Variants in RBFOX1 observed in about 807,000 individuals in gnomAD.
RBFOX1 encodes the protein RNA binding fox-1 homolog 1.
RBFOX1 carries 8 observed loss-of-function variants against 57.7 expected under a neutral mutation model. That is an observed-to-expected ratio of 0.14 (90% CI 0.08 to 0.25). RBFOX1 has a LOEUF of 0.25. Among genes scored for constraint, RBFOX1 ranks in the 10% least tolerant of loss-of-function variants. The probability of loss-of-function intolerance (pLI) is 1.00; values close to 1 mark genes in which losing one functional copy is unlikely to be tolerated. For missense variants in RBFOX1, 611 were observed against 548.5 expected, an observed-to-expected ratio of 1.11 and a Z score of -1.14; for synonymous variants, 326 against 222.4, an observed-to-expected ratio of 1.47 and a Z score of -4.15.
In RBFOX1 at chr16:5,947,152, G is replaced by C. The variant is rs1014096816; in HGVS notation, c.351+79817G>C. 1.3e-5 allele frequency among the ~76,000 whole-genome samples: 2 copies of C among 152,104 alleles called. No individual in the cohort carries two copies. Among genetic ancestry groups the C allele is most frequent in the Non-Finnish European group, 2.9e-5 (2 of 68,022 alleles). ...GATCATGTGAACTCAGGAGGTTGAG[G>C]TTGCAGCGAGCCGTGATTCTGCCAC... On this transcript the variant is annotated intron_variant, in intron 4 of 19. Coordinates refer to the RBFOX1 transcript ENST00000641259. The surrounding 1 kb of genome is among the most constrained non-coding windows in gnomAD (Gnocchi z 7.2).
chr16:6,369,203 A>G (rs567235332), intron 2 of RBFOX1, among the ~76,000 whole-genome samples: 13 of 152,302 alleles, frequency 8.5e-5, no homozygotes, highest in African/African-American at 3.1e-4. Context: ...TGTATTAAGT[A>G]ATATACTGCT....
At chr16:6,100,321 C>G (rs1244054906) in intron 1 of RBFOX1, among the ~76,000 whole-genome samples, 1 of 152,172 alleles carries the variant, frequency 6.6e-6, no homozygotes, top group African/African-American at 2.4e-5. Context: ...CGCCATTACG[C>G]CTGGCTAATG....
chr16:5,738,961 G>A (rs558505400), intron 3 of RBFOX1, among the ~76,000 whole-genome samples: 1 of 148,616 alleles, frequency 6.7e-6, no homozygotes, highest in South Asian at 2.2e-4. Flanking sequence ...CTCTGACAAA[G>A]AACAGGCTAA....
chr16:6,004,811 A>G (rs2060664951), intron 4 of RBFOX1, among the ~76,000 whole-genome samples: 1 of 152,164 alleles, frequency 6.6e-6, no homozygotes. Flanking sequence ...AAATCATTCC[A>G]TCTGACATTT....
Position 6,488,076 on chromosome 16 carries a change from C to G in RBFOX1, c.-63-166527C>G, listed in dbSNP as rs1027104384. On this transcript the variant is annotated intron_variant, in intron 2 of 15. Transcript: ENST00000550418. ...TTCAATCCAATACAGAAAGCAACAA[C>G]CAAACAAATCAAGGTGCACTATTTG... Among the ~76,000 whole-genome samples, 3 of 152,130 alleles carry G rather than the reference C, an allele frequency of 2.0e-5. No individual in the cohort carries two copies. In the South Asian group the frequency reaches 6.2e-4, roughly 31 times the overall value.
chr16:5,941,945 C>A (rs532679933), intron 4 of RBFOX1, among the ~76,000 whole-genome samples: 1 of 151,532 alleles, frequency 6.6e-6, no homozygotes, highest in Non-Finnish European at 1.5e-5. Context: ...TAGATAACAA[C>A]GACCACCATT....
rs555048099 is a variant in RBFOX1 at position 6,711,370 on chromosome 16, C to G, written c.-16+56720C>G. Among the ~76,000 whole-genome samples, 11 of 152,286 alleles carry G rather than the reference C, an allele frequency of 7.2e-5. No homozygotes were observed. In the East Asian group the frequency reaches 2.1e-3, roughly 30 times the overall value. On this transcript the variant is annotated intron_variant, in intron 3 of 15. Coordinates refer to ENST00000550418, the MANE Select transcript of RBFOX1 (RefSeq NM_018723.4). ...ACATTCTGGTCCCTACCAACTTTGTCATCTGGTATCTTGTCCTATCTCTCC... is the reference window on the plus strand; with the variant it reads ...ACATTCTGGTCCCTACCAACTTTGTGATCTGGTATCTTGTCCTATCTCTCC...
chr16:6,715,456 CAAG>C (rs2064607160), intron 3 of RBFOX1, among the ~76,000 whole-genome samples: 1 of 152,030 alleles, frequency 6.6e-6, no homozygotes, highest in African/African-American at 2.4e-5. Flanking sequence ...AAATGATTGC[CAAG>C]TTTATAATTG....
chr16:7,621,413 A>G (rs2059302415), intron 10 of RBFOX1, among the ~76,000 whole-genome samples: 1 of 152,076 alleles, frequency 6.6e-6, no homozygotes, highest in Non-Finnish European at 1.5e-5. Context: ...GGCATATGCC[A>G]CCACGCCTGG....
At chr16:5,644,753 G>T (rs931746925) in intron 3 of RBFOX1, among the ~76,000 whole-genome samples, 2 of 152,218 alleles carry the variant, frequency 1.3e-5, no homozygotes, top group Non-Finnish European at 2.9e-5. Context: ...ATACTCCGTT[G>T]TATGAATATA....
At position 7,558,377 on chromosome 16, in the gene RBFOX1, T is replaced by C. The variant is rs116381040; in HGVS notation, c.271-21400T>C. The stretch of plus-strand genomic sequence containing the variant: ...TCAAAATAAGACATACATATATATA[T>C]ACACGCGCACACACTCACACACATA... On this transcript the variant is annotated intron_variant, in intron 5 of 15. Transcript: ENST00000550418. Among the ~76,000 whole-genome samples the C allele has an allele frequency of 7.8e-3, 1,189 of 151,496 alleles. 11 individuals are homozygous for C. Among genetic ancestry groups the C allele is most frequent in the Middle Eastern group, 0.01 (3 of 294 alleles).
intron 3 of RBFOX1, among the ~76,000 whole-genome samples, chr16:5,797,958 T>C (rs1352683538): frequency 6.6e-6 from 1 of 152,214 alleles, no homozygotes; most frequent in African/African-American, 2.4e-5. Flanking sequence ...TCAGTAAATA[T>C]GCATCATTTA....
intron 4 of RBFOX1, among the ~76,000 whole-genome samples, chr16:5,883,201 G>A (rs540507704): frequency 2.3e-4 from 35 of 152,086 alleles, no homozygotes; most frequent in African/African-American, 7.9e-4. Context: ...TTTTTTGCAG[G>A]AGGAGAGGAT....
intron 4 of RBFOX1, among the ~76,000 whole-genome samples, chr16:7,220,939 G>C (rs1199499420): frequency 2.0e-5 from 3 of 152,088 alleles, no homozygotes; most frequent in African/African-American, 7.2e-5. Flanking sequence ...AAATGCATTT[G>C]CATTTCAAAG....
chr16:7,185,093 C>G (rs371422793), intron 4 of RBFOX1, among the ~76,000 whole-genome samples: 1 of 152,154 alleles, frequency 6.6e-6, no homozygotes, highest in African/African-American at 2.4e-5. Flanking sequence ...TACAATATAT[C>G]TATTTAAACC....
intron 3 of RBFOX1, among the ~76,000 whole-genome samples, chr16:5,861,425 G>A (rs1191831652): frequency 6.6e-6 from 1 of 152,160 alleles, no homozygotes; most frequent in East Asian, 1.9e-4. Flanking sequence ...GATGATGGTG[G>A]CTTTGGAAGT....
At chr16:7,530,181 G>C (rs1399308125) in intron 5 of RBFOX1, among the ~76,000 whole-genome samples, 2 of 152,184 alleles carry the variant, frequency 1.3e-5, no homozygotes, top group South Asian at 2.1e-4. Flanking sequence ...ATGATGCTCA[G>C]GTTCAGAGAC....
chr16:5,323,941 A>G (rs953287444), intron 1 of RBFOX1, among the ~76,000 whole-genome samples: 1 of 152,190 alleles, frequency 6.6e-6, no homozygotes, highest in Non-Finnish European at 1.5e-5. Flanking sequence ...GACAGAGACG[A>G]TGTTATTTTT....
At chr16:6,903,936 C>T (rs1320748187) in intron 3 of RBFOX1, among the ~76,000 whole-genome samples, 1 of 152,226 alleles carries the variant, frequency 6.6e-6, no homozygotes, top group Non-Finnish European at 1.5e-5. Flanking sequence ...TTAAAGGAGG[C>T]TGGCACCATT....
Sources: allele counts gnomAD v4.1 joint callset (sites outside exome capture counted in the v4.1 genomes callset), GRCh38; gene constraint gnomAD v4.1.1; non-coding constraint Gnocchi (gnomAD v3.1); transcripts MANE v1.5; gene names NCBI Gene and HGNC (gene_info 2026-07-23, HGNC 2026-07-21).